TAF12: variants seen among roughly 807,000 people sequenced by gnomAD.
The protein encoded by TAF12 is transcription initiation factor TFIID subunit 12.
Under a neutral mutation model 20.8 loss-of-function variants are expected in TAF12, and 3 were observed. The ratio of observed to expected loss-of-function variants is 0.14; its 90% confidence interval spans 0.07 to 0.37. The LOEUF (loss-of-function observed/expected upper bound fraction) is 0.37, where lower values mean the gene tolerates loss of function less well. Among genes scored for constraint, TAF12 ranks in the 10% least tolerant of loss-of-function variants. The pLI is 1.00. For missense variants in TAF12, 131 were observed against 197.9 expected, an observed-to-expected ratio of 0.66 and a Z score of 2.03; for synonymous variants, 69 against 70.2, an observed-to-expected ratio of 0.98 and a Z score of 0.09.
intron 4 of TAF12, among the ~76,000 whole-genome samples, chr1:28,610,729 A>G (rs1666826081): frequency 6.6e-6 from 1 of 151,970 alleles, no homozygotes; most frequent in African/African-American, 2.4e-5. Flanking sequence ...AGGGAGGCTG[A>G]GCGGGGAGGA....
At chr1:28,628,544 A>C (rs1667513076) in intron 1 of TAF12, among the ~76,000 whole-genome samples, 1 of 152,014 alleles carries the variant, frequency 6.6e-6, no homozygotes. Flanking sequence ...CTTTTACGGG[A>C]TACAAAAATG....
chr1:28,625,732 G>A (rs966182542), intron 1 of TAF12, among the ~76,000 whole-genome samples: 4 of 151,822 alleles, frequency 2.6e-5, no homozygotes, highest in African/African-American at 9.7e-5. Context: ...TAGTAGAGAC[G>A]GGGTTTCACC....
chr1:28,617,877 G>T, intron 3 of TAF12, 76 bp downstream of exon 3: 1 of 1,390,144 alleles, frequency 7.2e-7, no homozygotes, highest in Non-Finnish European at 1.0e-6. Flanking sequence ...ACTGCATCTG[G>T]CCTGTTTGTG....
rs561053682 is a variant in TAF12 at position 28,637,099 on chromosome 1, T to A, written c.-85+5893A>T. ...ACTTCAGAGATTAACAGAAGAATGGTGGATTGGAAAAAAATGGTAACAAGT... is the reference window on the plus strand; with the variant it reads ...ACTTCAGAGATTAACAGAAGAATGGAGGATTGGAAAAAAATGGTAACAAGT... On this transcript the variant is annotated intron_variant, in intron 1 of 5. Coordinates refer to ENST00000373824, the MANE Select transcript of TAF12 (RefSeq NM_005644.4). 2.6e-5 allele frequency among the ~76,000 whole-genome samples: 4 copies of A among 152,072 alleles called. No homozygotes were observed. The South Asian group carries it at 8.3e-4, about 32-fold the overall frequency.
intron 1 of TAF12, among the ~76,000 whole-genome samples, chr1:28,630,406 T>C (rs1667575767): frequency 6.6e-6 from 1 of 151,728 alleles, no homozygotes; most frequent in South Asian, 2.1e-4. Flanking sequence ...ATATAAAAAT[T>C]AGCTGGGCGT....
In TAF12 at chr1:28,603,258, C is replaced by G. The variant is rs764663606; in HGVS notation, c.*281G>C. The G allele has an allele frequency of 2.2e-6, 1 of 446,676 alleles. No individual in the cohort carries two copies. The highest frequency in any genetic ancestry group is 4.0e-6 in the Non-Finnish European group (1 of 248,934). 27.7% of individuals were successfully genotyped at this position (446,676 alleles called of 1,614,324 possible). On this transcript the variant is annotated 3_prime_UTR_variant, in exon 6 of 6. Coordinates refer to ENST00000373824, the MANE Select transcript of TAF12 (RefSeq NM_005644.4). ...CCCAAAAAGACCATAATGCTTTGTC[C>G]CATATTCAGTCACTTATATAATAAA... is the stretch of plus-strand genomic sequence containing the variant.
At chr1:28,636,631 A>T (rs930650991) in intron 1 of TAF12, among the ~76,000 whole-genome samples, 2 of 143,206 alleles carry the variant, frequency 1.4e-5, no homozygotes, top group Non-Finnish European at 3.1e-5. Flanking sequence ...CACTACAAAT[A>T]AAAAAAAAAA....
At chr1:28,644,906 T>C (rs1668145227), upstream of TAF12, among the ~76,000 whole-genome samples, 1 of 152,192 alleles carries the variant, frequency 6.6e-6, no homozygotes, top group Non-Finnish European at 1.5e-5. Context: ...ATTATGGCGA[T>C]TGTTAAATGA....
chr1:28,639,679 T>A (rs1667970344), intron 1 of TAF12, among the ~76,000 whole-genome samples: 1 of 152,112 alleles, frequency 6.6e-6, no homozygotes, highest in African/African-American at 2.4e-5. Flanking sequence ...TATAAGTTGG[T>A]ATAAGTTAGT....
intron 1 of TAF12, among the ~76,000 whole-genome samples, chr1:28,641,401 T>C (rs2124393062): frequency 6.6e-6 from 1 of 152,120 alleles, no homozygotes; most frequent in South Asian, 2.1e-4. Context: ...GAGAATCGTT[T>C]GAACTGGGGA....
chr1:28,608,653 G>A lies in TAF12; in HGVS notation c.362-3193C>T, dbSNP rs140915509. On this transcript the variant is annotated intron_variant, in intron 4 of 5. Coordinates refer to ENST00000373824, the MANE Select transcript of TAF12 (RefSeq NM_005644.4). ...GCCTGTGGTCCCAGCTAATCGGGAG[G>A]CTGAAGCAGGAGAATCGCTTGAACC... Among the ~76,000 whole-genome samples the A allele has an allele frequency of 1.2e-3, 179 of 151,162 alleles. 2 individuals are homozygous for A. In the South Asian group the frequency reaches 0.018, roughly 15 times the overall value.
chr1:28,623,505 A>AATAC (rs946159110), intron 1 of TAF12, among the ~76,000 whole-genome samples: 7 of 151,800 alleles, frequency 4.6e-5, no homozygotes, highest in Non-Finnish European at 7.4e-5. Flanking sequence ...TAAATAAATA[A>AATAC]ATAAATAAAC....
At chr1:28,646,726 TCTCA>T, upstream of TAF12, among the ~76,000 whole-genome samples, 2 of 143,336 alleles carry the variant, frequency 1.4e-5, 1 homozygote, top group Middle Eastern at 7.5e-3. Context: ...TGAGACAGAG[TCTCA>T]CTCTGTCGCC....
upstream of TAF12, among the ~76,000 whole-genome samples, chr1:28,647,929 T>C (rs1202133745): frequency 6.6e-6 from 1 of 152,106 alleles, no homozygotes; most frequent in Non-Finnish European, 1.5e-5. Context: ...AGGTACAGTA[T>C]TTCATTTTTC....
intron 4 of TAF12, 126 bp downstream of exon 4, chr1:28,613,121 A>G: frequency 1.5e-6 from 1 of 650,080 alleles, no homozygotes; most frequent in South Asian, 2.6e-5. Flanking sequence ...CTGTTATTGA[A>G]TTAATACATA....
At chr1:28,639,397 CAA>C (rs922835537) in intron 1 of TAF12, among the ~76,000 whole-genome samples, 1 of 120,022 alleles carries the variant, frequency 8.3e-6, no homozygotes, top group African/African-American at 3.5e-5. Flanking sequence ...GCCTGGGTAA[CAA>C]GAGTGAAAGA....
intron 2 of TAF12, among the ~76,000 whole-genome samples, chr1:28,620,751 C>A (rs1044388928): frequency 1.3e-5 from 2 of 152,064 alleles, no homozygotes; most frequent in Non-Finnish European, 2.9e-5. Flanking sequence ...AAATTTGAGG[C>A]TACAGTGAGC....
chr1:28,638,256 C>T (rs1667910448), intron 1 of TAF12, among the ~76,000 whole-genome samples: 1 of 151,714 alleles, frequency 6.6e-6, no homozygotes, highest in South Asian at 2.1e-4. Flanking sequence ...AAGGGGCAAT[C>T]TCAGTTCACC....
intron 1 of TAF12, among the ~76,000 whole-genome samples, chr1:28,630,366 C>T (rs753981798): frequency 3.3e-5 from 5 of 152,050 alleles, no homozygotes; most frequent in Non-Finnish European, 7.4e-5. Flanking sequence ...ACCAGCCTGA[C>T]CAACATGGTG....
Sources: gnomAD v4.1 joint callset for allele counts (sites outside exome capture counted in the v4.1 genomes callset) on GRCh38, gnomAD v4.1.1 for gene constraint, MANE v1.5 for transcripts, NCBI Gene and HGNC (gene_info 2026-07-23, HGNC 2026-07-21) for gene names.